The following ZFHX3 variants were observed in gnomAD, a reference collection of about 807,000 sequenced individuals.
The protein encoded by ZFHX3 is zinc finger homeobox protein 3.
Under a neutral mutation model 279.1 loss-of-function variants are expected in ZFHX3, and 42 were observed. The ratio of observed to expected loss-of-function variants is 0.15; its 90% confidence interval spans 0.12 to 0.19. ZFHX3 has a LOEUF of 0.19. ZFHX3 is among the 10% of genes least tolerant of loss of function. The pLI, the probability that ZFHX3 is intolerant of heterozygous loss-of-function variation, is 1.00. For synonymous variants in ZFHX3, 2,293 were observed against 1,957.8 expected (o/e 1.17, Z -4.52); for missense variants, 4,981 against 4,754.0 (o/e 1.05, Z -1.40).
intron 5 of ZFHX3, among the ~76,000 whole-genome samples, chr16:72,816,753 T>A (rs1200148056): frequency 6.6e-6 from 1 of 152,182 alleles, no homozygotes; most frequent in East Asian, 1.9e-4. Context: ...AACCTGTTCA[T>A]GATTGTCTAT....
At chr16:73,781,114 A>G (rs1347142425) in intron 1 of ZFHX3, among the ~76,000 whole-genome samples, 1 of 152,220 alleles carries the variant, frequency 6.6e-6, no homozygotes, top group African/African-American at 2.4e-5. Flanking sequence ...GGGAGCTCTC[A>G]AGGAAGTCGG....
intron 2 of ZFHX3, among the ~76,000 whole-genome samples, chr16:73,647,415 T>C (rs891376595): frequency 1.3e-5 from 2 of 152,178 alleles, no homozygotes; most frequent in African/African-American, 4.8e-5. Flanking sequence ...GCTGTTCTCG[T>C]GATAGTGAGT....
At chr16:72,861,072 A>T (rs1477508125) in intron 4 of ZFHX3, among the ~76,000 whole-genome samples, 1 of 152,050 alleles carries the variant, frequency 6.6e-6, no homozygotes, top group African/African-American at 2.4e-5. Flanking sequence ...TCCCTCTCCC[A>T]TGCAAATGAC....
In ZFHX3 at chr16:72,936,982, G is replaced by A. The variant is rs535446296; in HGVS notation, c.3216+13487C>T. Among the ~76,000 whole-genome samples the A allele has an allele frequency of 2.9e-4, 44 of 152,252 alleles. 1 individual carries two copies. The South Asian group carries it at 8.5e-3, about 29-fold the overall frequency. On this transcript the variant is annotated intron_variant, in intron 3 of 9. Transcript: ENST00000268489. ...AACTTGCTGATGGTTTGGCTGTAGG[G>A]GAGCAAAAGACAAGGAGCCCCACAG...
At position 72,798,045 on chromosome 16, in the gene ZFHX3, T is replaced by C. The variant is rs868684048; in HGVS notation, c.4637A>G (p.Lys1546Arg). The change falls in exon 9 of 10, where the codon AAG becomes AGG. Residue 1546 changes from lysine to arginine, a missense_variant. Transcript: ENST00000268489. The stretch of plus-strand genomic sequence containing the variant: ...GAAAGATTCCTTGCAGACGGTACAC[T>C]TGTAAGGGCGAGAAGGGTCTAGGAA... Reference protein sequence around the residue: ...EKFLDPSRPYKCTVCKESFTQ... With the variant: ...EKFLDPSRPYRCTVCKESFTQ... 1 of 1,614,192 alleles carries C rather than the reference T, an allele frequency of 6.2e-7. No homozygotes were observed. The highest frequency in any genetic ancestry group is 8.5e-7 in the Non-Finnish European group (1 of 1,180,036).
chr16:73,541,711 C>T (rs114343270), intron 2 of ZFHX3, among the ~76,000 whole-genome samples: 3,519 of 149,716 alleles, frequency 0.024, 135 homozygotes, highest in African/African-American at 0.08. Context: ...GAGGCAAATA[C>T]GGGAGTGCAG....
intron 2 of ZFHX3, among the ~76,000 whole-genome samples, chr16:73,550,178 G>A (rs1273174768): frequency 6.6e-6 from 1 of 152,050 alleles, no homozygotes; most frequent in Non-Finnish European, 1.5e-5. Context: ...GCCGTGTCAG[G>A]GCAAAGCTGT....
intron 3 of ZFHX3, among the ~76,000 whole-genome samples, chr16:73,368,398 CA>C (rs1873735944): frequency 6.6e-6 from 1 of 152,120 alleles, no homozygotes; most frequent in African/African-American, 2.4e-5. Context: ...CCTGTGCTTC[CA>C]AAGAGTGTGA....
At chr16:72,915,251 T>A (rs918385350) in intron 3 of ZFHX3, among the ~76,000 whole-genome samples, 56 of 152,132 alleles carry the variant, frequency 3.7e-4, no homozygotes, top group Admixed American at 1.6e-3. Flanking sequence ...AATTTGCCTT[T>A]AAAAAAATGA....
At chr16:72,980,130 T>C (rs1696350845) in intron 1 of ZFHX3, among the ~76,000 whole-genome samples, 1 of 152,090 alleles carries the variant, frequency 6.6e-6, no homozygotes. Flanking sequence ...CCACAGGGTG[T>C]TGGTGGTTTG....
chr16:73,873,576 A>T (rs369614638), intron 1 of ZFHX3, among the ~76,000 whole-genome samples: 1 of 69,338 alleles, frequency 1.4e-5, no homozygotes, highest in African/African-American at 3.2e-5. Flanking sequence ...TTTTACAGAG[A>T]AAAAAAACAT....
chr16:72,849,267 G>C (rs1459959046), intron 4 of ZFHX3, among the ~76,000 whole-genome samples: 1 of 152,146 alleles, frequency 6.6e-6, no homozygotes, highest in Non-Finnish European at 1.5e-5. Flanking sequence ...TGAGAGACTT[G>C]CGTGGGAAAG....
intron 1 of ZFHX3, among the ~76,000 whole-genome samples, chr16:73,846,746 T>C (rs1961458886): frequency 6.6e-6 from 1 of 152,118 alleles, no homozygotes; most frequent in African/African-American, 2.4e-5. Flanking sequence ...TCTTTCAATG[T>C]TGGTGGAAAA....
At chr16:73,473,722 CTGTCT>C (rs1393338742) in intron 2 of ZFHX3, among the ~76,000 whole-genome samples, 4 of 152,216 alleles carry the variant, frequency 2.6e-5, no homozygotes, top group Non-Finnish European at 5.9e-5. Context: ...TCATGGTAAG[CTGTCT>C]TAAATGCTAA....
chr16:73,256,445 G>A (rs900027855), intron 5 of ZFHX3, among the ~76,000 whole-genome samples: 7 of 152,146 alleles, frequency 4.6e-5, no homozygotes, highest in Admixed American at 2.0e-4. Flanking sequence ...TTACGATGGC[G>A]GTTCTCAAAT....
At chr16:73,435,217 T>C (rs2017975573) in intron 3 of ZFHX3, among the ~76,000 whole-genome samples, 1 of 152,120 alleles carries the variant, frequency 6.6e-6, no homozygotes, top group Non-Finnish European at 1.5e-5. Flanking sequence ...AACCAATTCA[T>C]TCTTTTTTGA....
chr16:73,786,669 A>T (rs1959656763), intron 1 of ZFHX3, among the ~76,000 whole-genome samples: 1 of 152,206 alleles, frequency 6.6e-6, no homozygotes, highest in Non-Finnish European at 1.5e-5. Context: ...TGTGCATGGA[A>T]TAACATCCCT....
At chr16:73,336,375 T>C (rs1479915541) in intron 3 of ZFHX3, among the ~76,000 whole-genome samples, 1 of 149,944 alleles carries the variant, frequency 6.7e-6, no homozygotes, top group Non-Finnish European at 1.5e-5. Context: ...TTTTTGGTCC[T>C]TACCCTCCTC....
At chr16:73,105,085 TG>T (rs1236900263) in intron 7 of ZFHX3, among the ~76,000 whole-genome samples, 2 of 152,092 alleles carry the variant, frequency 1.3e-5, no homozygotes, top group Non-Finnish European at 2.9e-5. Flanking sequence ...AATATGTCCT[TG>T]GCCACTGCTT....
Sources: allele counts gnomAD v4.1 joint callset (sites outside exome capture counted in the v4.1 genomes callset), GRCh38; gene constraint gnomAD v4.1.1; transcripts MANE v1.5; gene names NCBI Gene and HGNC (gene_info 2026-07-23, HGNC 2026-07-21).